Variants in SEMA6C observed in about 807,000 individuals in gnomAD.
SEMA6C encodes semaphorin-6C.
A neutral mutation model predicts 72.9 loss-of-function variants in SEMA6C; 37 were observed. That is an observed-to-expected ratio of 0.51 (90% CI 0.39 to 0.67). The LOEUF (loss-of-function observed/expected upper bound fraction) is 0.67. SEMA6C is among the 30% of genes least tolerant of loss of function. SEMA6C has a pLI of 0.00. For synonymous variants in SEMA6C, 578 were observed against 554.1 expected (o/e 1.04, Z -0.61); for missense variants, 1,189 against 1,263.6 (o/e 0.94, Z 0.89).
Position 151,138,065 on chromosome 1 carries a change from G to A in SEMA6C, c.588C>T (p.Ala196=). The change falls in exon 9 of 19, where the codon GCC becomes GCT. Residue 196 remains alanine (A), a synonymous_variant. Coordinates refer to ENST00000368914, the MANE Select transcript of SEMA6C (RefSeq NM_030913.6). The part of the protein sequence containing the change: ...LYSATAADFQ[A]SDAVVYRSLG... ...GGCTTCTGTAAACTACAGCATCACT[G>A]GCCTGGAAATCCGCAGCTGTGGCTG... 6.2e-7 allele frequency: 1 copy of A among 1,614,192 alleles called. No individual in the cohort carries two copies. Among genetic ancestry groups the A allele is most frequent in the East Asian group, 2.2e-5 (1 of 44,884 alleles).
chr1:151,142,397 G>A lies in SEMA6C; in HGVS notation c.118+107C>T, dbSNP rs1682626630. 4.9e-6 allele frequency: 6 copies of A among 1,233,710 alleles called. No individual in the cohort carries two copies. In the South Asian group the frequency reaches 6.6e-5, roughly 13 times the overall value. 76.4% of individuals were successfully genotyped at this position (1,233,710 alleles called of 1,614,324 possible). On this transcript the variant is annotated intron_variant, in intron 3 of 18. Transcript: ENST00000368914. Reference sequence around the variant, plus strand: ...TTTCCTTCTTTTTGCTGGTCTGGCTGTTAGCTTCCTGAGGCTGGGAGCCTT... The same window carrying A: ...TTTCCTTCTTTTTGCTGGTCTGGCTATTAGCTTCCTGAGGCTGGGAGCCTT...
In SEMA6C at chr1:151,133,423, G is replaced by A; in HGVS notation, c.1854C>T (p.Ala618=). 6.3e-7 allele frequency: 1 copy of A among 1,589,254 alleles called. No homozygotes were observed. The highest frequency in any genetic ancestry group is 1.1e-5 in the South Asian group (1 of 89,006). ...AGGAGACCAGGAGGCCAGAGACTGAGGCGCCCAGGGCAAAAGCTGCGGCCA... is the reference window on the plus strand; with the variant it reads ...AGGAGACCAGGAGGCCAGAGACTGAAGCGCCCAGGGCAAAAGCTGCGGCCA... ...ASVAAAFALG[A]SVSGLLVSCA... is the part of the protein sequence containing the mutation. Residue 618 remains alanine, a synonymous_variant, in exon 19 of 19, where the codon GCC becomes GCT. Transcript: ENST00000368914. This position sits in a 1 kb window ranked among gnomAD's most constrained non-coding sequence, Gnocchi z 5.9.
chr1:151,132,859 G>T lies in SEMA6C; in HGVS notation c.2418C>A (p.Gly806=). The change falls in exon 19 of 19, where the codon GGC becomes GGA. Residue 806 remains glycine, a synonymous_variant. Coordinates refer to ENST00000368914, the MANE Select transcript of SEMA6C (RefSeq NM_030913.6). ...CGCACTCGTGGGGCCTGGGGCTGGG[G>T]CCGCCCAAGAGGGCGGGGGCGGGCT... ...PPEPAPALLG[G]PSPRPHECAS... is the part of the protein sequence containing the mutation. 1 of 1,279,744 alleles carries T rather than the reference G, an allele frequency of 7.8e-7. No homozygotes were observed. The highest frequency in any genetic ancestry group is 9.9e-7 in the Non-Finnish European group (1 of 1,013,712). 79.3% of individuals were successfully genotyped at this position (1,279,744 alleles called of 1,614,324 possible). A position where few individuals can be genotyped will look rare whatever the true frequency, so the allele number is the denominator to read the frequency against.
At position 151,134,461 on chromosome 1, in the gene SEMA6C, A is replaced by G; in HGVS notation, c.1715-16T>C. The G allele has an allele frequency of 6.2e-7, 1 of 1,606,894 alleles. No individual in the cohort carries two copies. The highest frequency in any genetic ancestry group is 8.5e-7 in the Non-Finnish European group (1 of 1,176,202). On this transcript the variant is annotated splice_polypyrimidine_tract_variant and intron_variant, in intron 17 of 18. Coordinates refer to ENST00000368914, the MANE Select transcript of SEMA6C (RefSeq NM_030913.6). Reference sequence around the variant, plus strand: ...GTAGCTCCATCTATGAAGAAGGGACAGGGTGAAGATGGGGGGAAAGAGAAG... The same window carrying G: ...GTAGCTCCATCTATGAAGAAGGGACGGGGTGAAGATGGGGGGAAAGAGAAG...
At position 151,138,309 on chromosome 1, in the gene SEMA6C, T is replaced by A. The variant is rs1401420807; in HGVS notation, c.547+7A>T. 6.2e-7 allele frequency: 1 copy of A among 1,613,568 alleles called. No individual in the cohort carries two copies. Among genetic ancestry groups the A allele is most frequent in the Admixed American group, 1.7e-5 (1 of 59,936 alleles). On this transcript the variant is annotated splice_region_variant and intron_variant, in intron 8 of 18. Transcript: ENST00000368914. ...CATGCTTTCTTCTCACATGCCCAGT[T>A]GCACACCTGCAAAGATGGCCACGTT...
In SEMA6C at chr1:151,133,097, T is replaced by G. The variant is rs1304638943; in HGVS notation, c.2180A>C (p.Asn727Thr). 1 of 1,558,728 alleles carries G rather than the reference T, an allele frequency of 6.4e-7. No individual in the cohort carries two copies. Among genetic ancestry groups the G allele is most frequent in the Non-Finnish European group, 8.6e-7 (1 of 1,164,368 alleles). The part of the protein sequence containing the change: ...DPWEWNQNRN[N>T]AKEGPGRSRG... ...TGAGCGGCCCGGACCCTCCTTGGCG[T>G]TGTTCCTGTTCTGGTTCCACTCCCA... Residue 727 changes from asparagine to threonine, a missense_variant, in exon 19 of 19, where the codon AAC becomes ACC. Coordinates refer to ENST00000368914, the MANE Select transcript of SEMA6C (RefSeq NM_030913.6). The surrounding 1 kb of genome is among the most constrained non-coding windows in gnomAD (Gnocchi z 5.9).
intron 11 of SEMA6C, 104 bp downstream of exon 11, chr1:151,136,753 T>C: frequency 7.3e-7 from 1 of 1,379,284 alleles, no homozygotes; most frequent in South Asian, 1.3e-5. Context: ...CTGGCTTTGT[T>C]CGGAGGTTCC....
Position 151,133,531 on chromosome 1 carries a change from G to A in SEMA6C, c.1760-14C>T. The A allele has an allele frequency of 6.7e-7, 1 of 1,491,746 alleles. No individual in the cohort carries two copies. The highest frequency in any genetic ancestry group is 8.9e-7 in the Non-Finnish European group (1 of 1,123,756). The allele number at this position is 1,491,746 out of a possible 1,614,324, so 92.4% of individuals were successfully genotyped here. A position where few individuals can be genotyped will look rare whatever the true frequency, so the allele number is the denominator to read the frequency against. On this transcript the variant is annotated splice_polypyrimidine_tract_variant and intron_variant, in intron 18 of 18. Transcript: ENST00000368914. This position sits in a 1 kb window ranked among gnomAD's most constrained non-coding sequence, Gnocchi z 5.9. ...CCCGGCGCACGCCTGCCGACCGAGA[G>A]GGAGGAGGGAGGCTCAGCCAAGGGG...
intron 3 of SEMA6C, among the ~76,000 whole-genome samples, chr1:151,141,819 T>G (rs1682580567): frequency 6.6e-6 from 1 of 150,424 alleles, no homozygotes; most frequent in African/African-American, 2.4e-5. Flanking sequence ...GCAGTGGCTA[T>G]TCACAGGCGC....
chr1:151,132,620 A>T lies in SEMA6C; in HGVS notation c.2657T>A (p.Leu886Gln). ...SGGPGKHLLYLGRPEGYRGRA... is the reference protein window; with the variant it reads ...SGGPGKHLLYQGRPEGYRGRA... Reference sequence around the variant, plus strand: ...GCCCCGGTAGCCCTCGGGCCGGCCCAGGTACAGGAGGTGCTTCCCGGGACC... The same window carrying T: ...GCCCCGGTAGCCCTCGGGCCGGCCCTGGTACAGGAGGTGCTTCCCGGGACC... Residue 886 changes from leucine to glutamine, a missense_variant, in exon 19 of 19, where the codon CTG becomes CAG. Leu to Gln is a moderately radical substitution (Grantham distance 113). Transcript: ENST00000368914. 2.6e-6 allele frequency: 4 copies of T among 1,550,840 alleles called. No homozygotes were observed. The highest frequency in any genetic ancestry group is 3.5e-6 in the Non-Finnish European group (4 of 1,147,022).
At chr1:151,134,333 G>A in intron 18 of SEMA6C, 68 bp downstream of exon 18, 1 of 1,419,394 alleles carries the variant, frequency 7.0e-7, no homozygotes, top group Non-Finnish European at 9.7e-7. Flanking sequence ...CTCTGCTGCT[G>A]CTACAGGACA....
rs1199268678 is a variant in SEMA6C at position 151,133,012 on chromosome 1, G to C, written c.2265C>G (p.Pro755=). The change falls in exon 19 of 19, where the codon CCC becomes CCG. Residue 755 remains proline, a synonymous_variant. Transcript: ENST00000368914. The surrounding 1 kb of genome is among the most constrained non-coding windows in gnomAD (Gnocchi z 5.9). ...APRVLVRPPP[P]GCPGQAVEVT... ...CTTCCACGGCCTGCCCGGGACAGCCGGGCGGCGGTGGCCTCACCAGCACGC... is the reference window on the plus strand; with the variant it reads ...CTTCCACGGCCTGCCCGGGACAGCCCGGCGGCGGTGGCCTCACCAGCACGC... The C allele has an allele frequency of 7.1e-7, 1 of 1,405,410 alleles. No individual in the cohort carries two copies. The highest frequency in any genetic ancestry group is 2.7e-5 in the Admixed American group (1 of 37,142). 87.1% of individuals were successfully genotyped at this position (1,405,410 alleles called of 1,614,324 possible).
rs1455571878 is a variant in SEMA6C at position 151,139,220 on chromosome 1, T to C, written c.354+205A>G. ...GGCCCTCTGGCCTTCTGCAAATCCT[T>C]TGGCCTCTCTGAGCCTCACTTTTCT... On this transcript the variant is annotated intron_variant, in intron 6 of 18. Coordinates refer to ENST00000368914, the MANE Select transcript of SEMA6C (RefSeq NM_030913.6). Among the ~76,000 whole-genome samples, 4 of 152,254 alleles carry C rather than the reference T, an allele frequency of 2.6e-5. No individual in the cohort carries two copies. In the East Asian group the frequency reaches 7.7e-4, roughly 29 times the overall value.
intron 2 of SEMA6C, among the ~76,000 whole-genome samples, chr1:151,143,488 C>A (rs749967581): frequency 6.6e-6 from 1 of 152,158 alleles, no homozygotes; most frequent in Non-Finnish European, 1.5e-5. Flanking sequence ...GAAGAGCAGA[C>A]CCACCCCCTA....
intron 3 of SEMA6C, among the ~76,000 whole-genome samples, chr1:151,142,033 A>G (rs1682594815): frequency 7.1e-6 from 1 of 141,026 alleles, no homozygotes; most frequent in African/African-American, 2.6e-5. Context: ...TCTAGCTGAG[A>G]GTCCATGTTC....
chr1:151,143,225 C>G (rs1682703481), intron 2 of SEMA6C, among the ~76,000 whole-genome samples: 1 of 152,168 alleles, frequency 6.6e-6, no homozygotes, highest in South Asian at 2.1e-4. Context: ...GGGGAGGCAG[C>G]CTAGAGGTCA....
Position 151,142,553 on chromosome 1 carries a change from C to A in SEMA6C, c.69G>T (p.Gln23His), listed in dbSNP as rs1371120550. The stretch of plus-strand genomic sequence containing the variant: ...GGAGGGGGTCCTGGGGAAAGGCGGC[C>A]TGAGTATGGGGAAGTGAGAGCAGCA... ...LLLLLSLPHT[Q>H]AAFPQDPLPL... The change falls in exon 3 of 19, where the codon CAG (glutamine) becomes CAT (histidine). Residue 23 changes from glutamine (Q) to histidine (H), a missense_variant. Around this residue, in one of 2 missense-constraint regions of SEMA6C, gnomAD observed 468 missense variants for 577.4 expected, o/e 0.81. Transcript: ENST00000368914. The A allele has an allele frequency of 6.2e-7, 1 of 1,611,972 alleles. No homozygotes were observed. The highest frequency in any genetic ancestry group is 1.7e-5 in the Admixed American group (1 of 59,872).
At chr1:151,142,027 G>C (rs759698851) in intron 3 of SEMA6C, among the ~76,000 whole-genome samples, 8 of 148,326 alleles carry the variant, frequency 5.4e-5, no homozygotes, top group Non-Finnish European at 1.2e-4. Flanking sequence ...GTTTGGTCTA[G>C]CTGAGAGTCC....
intron 1 of SEMA6C, chr1:151,144,920 T>TAC (rs750488477): frequency 3.3e-5 from 5 of 152,126 alleles, no homozygotes; most frequent in East Asian, 1.9e-4. Context: ...CCACTCAGTC[T>TAC]ACACACACAC....
Sources: allele counts gnomAD v4.1 joint callset (sites outside exome capture counted in the v4.1 genomes callset), GRCh38; gene constraint gnomAD v4.1.1; regional missense constraint gnomAD v4.1.1; non-coding constraint Gnocchi (gnomAD v3.1); transcripts MANE v1.5; gene names NCBI Gene and HGNC (gene_info 2026-07-23, HGNC 2026-07-21).